The following NKAIN3 variants were observed in gnomAD, a reference collection of about 807,000 sequenced individuals.
The protein encoded by NKAIN3 is sodium/potassium transporting ATPase interacting 3, also known as sodium/potassium-transporting ATPase subunit beta-1-interacting protein 3.
A neutral mutation model predicts 30.2 loss-of-function variants in NKAIN3; 25 were observed. That is an observed-to-expected ratio of 0.83 (90% CI 0.60 to 1.16). The LOEUF (loss-of-function observed/expected upper bound fraction) is 1.16. NKAIN3 is among the 50% of genes most tolerant of loss of function. The pLI is 0.00. For synonymous variants in NKAIN3, 91 were observed against 89.6 expected, an observed-to-expected ratio of 1.02 and a Z score of -0.09; for missense variants, 225 against 254.1, an observed-to-expected ratio of 0.89 and a Z score of 0.78.
At chr8:62,952,278 T>C (rs1194236852) in intron 5 of NKAIN3, among the ~76,000 whole-genome samples, 3 of 152,186 alleles carry the variant, frequency 2.0e-5, no homozygotes, top group Non-Finnish European at 4.4e-5. Flanking sequence ...AAAATATTCT[T>C]ACTAAGTTAA....
Position 62,946,460 on chromosome 8 carries a change from G to A in NKAIN3, c.533-7442G>A, listed in dbSNP as rs188365663. Among the ~76,000 whole-genome samples the A allele has an allele frequency of 5.3e-5, 8 of 152,234 alleles. No homozygotes were observed. The South Asian group carries it at 6.2e-4, about 12-fold the overall frequency. On this transcript the variant is annotated intron_variant, in intron 5 of 6. Transcript: ENST00000623646. ...ACACTGCAGAGTAGCTCATTCTCTC[G>A]TAACAGCAGCAGGGTTTAGTTGCCA...
chr8:62,438,588 G>C (rs552407252), intron 1 of NKAIN3, among the ~76,000 whole-genome samples: 1 of 152,066 alleles, frequency 6.6e-6, no homozygotes, highest in South Asian at 2.1e-4. Context: ...TTGAGAAGGA[G>C]GCTCACTCTG....
At chr8:62,485,792 A>C (rs1233354710) in intron 1 of NKAIN3, among the ~76,000 whole-genome samples, 1 of 152,222 alleles carries the variant, frequency 6.6e-6, no homozygotes, top group African/African-American at 2.4e-5. Flanking sequence ...AATGGATTTG[A>C]GAGCTTTTCT....
intron 3 of NKAIN3, among the ~76,000 whole-genome samples, chr8:62,613,214 A>G (rs1811346234): frequency 6.6e-6 from 1 of 152,112 alleles, no homozygotes; most frequent in African/African-American, 2.4e-5. Context: ...CCTGGTATTT[A>G]TGAAATCACT....
chr8:62,645,344 AG>A (rs1177375486), intron 3 of NKAIN3, among the ~76,000 whole-genome samples: 1 of 152,162 alleles, frequency 6.6e-6, no homozygotes, highest in East Asian at 1.9e-4. Flanking sequence ...TTGTAAGTAG[AG>A]AAAAATCCTA....
downstream of NKAIN3, among the ~76,000 whole-genome samples, chr8:62,989,769 A>G (rs926587143): frequency 2.6e-5 from 4 of 152,220 alleles, no homozygotes; most frequent in African/African-American, 9.6e-5. Context: ...TGTTGGTTCT[A>G]CTTGGCAGAA....
rs73685445 is a variant in NKAIN3 at position 62,696,144 on chromosome 8, A to C, written c.274-50788A>C. On this transcript the variant is annotated intron_variant, in intron 3 of 6. Coordinates refer to ENST00000623646, the MANE Select transcript of NKAIN3 (RefSeq NM_001304533.3). ...TAATTTTCACTCAATCAGATATCTA[A>C]TTTGATCACTGTATTTTCGTGTCTG... Among the ~76,000 whole-genome samples the C allele has an allele frequency of 9.9e-3, 1,503 of 152,258 alleles. 24 individuals carry two copies. The highest frequency in any genetic ancestry group is 0.034 in the African/African-American group (1,424 of 41,544).
chr8:62,699,643 C>T (rs997714879), intron 3 of NKAIN3, among the ~76,000 whole-genome samples: 19 of 152,152 alleles, frequency 1.2e-4, no homozygotes, highest in Non-Finnish European at 2.2e-4. Flanking sequence ...CATGCTTGTC[C>T]TATCCTTTGG....
At chr8:62,545,335 A>C (rs1305627727) in intron 1 of NKAIN3, among the ~76,000 whole-genome samples, 1 of 152,192 alleles carries the variant, frequency 6.6e-6, no homozygotes, top group East Asian at 1.9e-4. Context: ...CTGTAATCCC[A>C]ACACTTTGGG....
intron 3 of NKAIN3, among the ~76,000 whole-genome samples, chr8:62,726,865 A>G (rs943735924): frequency 4.6e-5 from 7 of 152,102 alleles, no homozygotes; most frequent in Non-Finnish European, 1.0e-4. Context: ...GACCAGCATT[A>G]CTGTAATACC....
At chr8:62,374,614 T>A (rs1221652013) in intron 1 of NKAIN3, among the ~76,000 whole-genome samples, 1 of 152,232 alleles carries the variant, frequency 6.6e-6, no homozygotes, top group Non-Finnish European at 1.5e-5. Context: ...TACAGTCAAT[T>A]CTCATGGTTT....
intron 1 of NKAIN3, among the ~76,000 whole-genome samples, chr8:62,264,549 C>G (rs551151248): frequency 6.6e-6 from 1 of 152,272 alleles, no homozygotes. Flanking sequence ...GTTCCCAAGT[C>G]TTGGTACCTG....
In NKAIN3 at chr8:62,763,221, C is replaced by CA. The variant is rs55873861; in HGVS notation, c.471+16132dup. On this transcript the variant is annotated intron_variant, in intron 4 of 6. Coordinates refer to ENST00000623646, the MANE Select transcript of NKAIN3 (RefSeq NM_001304533.3). ...GGGCAACAAGTGCGAGACTCCGTCT[C>CA]AAAAAAAAAAAAAAAAAAAAAAAAA... 3.1e-3 allele frequency among the ~76,000 whole-genome samples: 144 copies of CA among 47,188 alleles called. 30 individuals are homozygous for CA. Among genetic ancestry groups the CA allele is most frequent in the South Asian group, 4.1e-3 (4 of 966 alleles). The allele number at this position is 47,188 out of a possible 152,430, so 31.0% of individuals were successfully genotyped here. A position where few individuals can be genotyped will look rare whatever the true frequency, so the allele number is the denominator to read the frequency against.
chr8:62,867,896 C>T (rs957720970), intron 4 of NKAIN3, among the ~76,000 whole-genome samples: 1 of 152,178 alleles, frequency 6.6e-6, no homozygotes, highest in African/African-American at 2.4e-5. Flanking sequence ...TATATTTACA[C>T]TGAAAATATA....
chr8:62,445,641 C>CA (rs1480149999), intron 1 of NKAIN3, among the ~76,000 whole-genome samples: 1 of 152,142 alleles, frequency 6.6e-6, no homozygotes, highest in African/African-American at 2.4e-5. Context: ...GATGCAAGTT[C>CA]AGAATATAGT....
chr8:62,895,342 A>G (rs1283262809), intron 4 of NKAIN3, among the ~76,000 whole-genome samples: 1 of 152,164 alleles, frequency 6.6e-6, no homozygotes, highest in African/African-American at 2.4e-5. Flanking sequence ...CATAATAACA[A>G]TTGCTTCCTG....
chr8:62,737,791 A>C (rs1815722337), intron 3 of NKAIN3, among the ~76,000 whole-genome samples: 1 of 152,166 alleles, frequency 6.6e-6, no homozygotes, highest in Admixed American at 6.5e-5. Context: ...GCTGTTAATC[A>C]TCAACCCCCT....
intron 3 of NKAIN3, among the ~76,000 whole-genome samples, chr8:62,607,975 A>T (rs1245301319): frequency 6.6e-6 from 1 of 152,150 alleles, no homozygotes; most frequent in Non-Finnish European, 1.5e-5. Context: ...TAATTTTGTT[A>T]TTCCTAATCT....
intron 1 of NKAIN3, among the ~76,000 whole-genome samples, chr8:62,543,197 C>T (rs1367807964): frequency 2.0e-5 from 3 of 152,132 alleles, no homozygotes; most frequent in South Asian, 2.1e-4. Flanking sequence ...TTGTCTGAGA[C>T]TGATGGTGTT....
Sources: allele counts gnomAD v4.1 joint callset (sites outside exome capture counted in the v4.1 genomes callset), GRCh38; gene constraint gnomAD v4.1.1; transcripts MANE v1.5; gene names NCBI Gene and HGNC (gene_info 2026-07-23, HGNC 2026-07-21).